Variants in RBFOX1 observed in about 807,000 individuals in gnomAD.
The protein encoded by RBFOX1 is RNA binding fox-1 homolog 1.
A neutral mutation model predicts 57.7 loss-of-function variants in RBFOX1; 8 were observed. The ratio of observed to expected loss-of-function variants is 0.14; its 90% CI spans 0.08 to 0.25. The LOEUF is 0.25. Ranked by LOEUF, RBFOX1 falls within the 10% of genes least tolerant of loss-of-function variation. The pLI is 1.00. For missense variants in RBFOX1, 611 were observed against 548.5 expected, an observed-to-expected ratio of 1.11 and a Z score of -1.14; for synonymous variants, 326 against 222.4, an observed-to-expected ratio of 1.47 and a Z score of -4.15.
intron 1 of RBFOX1, among the ~76,000 whole-genome samples, chr16:5,345,748 G>T (rs2065125829): frequency 6.6e-6 from 1 of 152,044 alleles, no homozygotes; most frequent in Admixed American, 6.5e-5. Flanking sequence ...GCACCTGATG[G>T]GTTAAGGCAC....
Position 7,029,105 on chromosome 16 carries a change from C to CACAT in RBFOX1, c.-15-22949_-15-22948insTACA, listed in dbSNP as rs1555788314. The stretch of plus-strand genomic sequence containing the variant: ...ATACACACACACACACACACACACA[C>CACAT]ACACACACACACACACATATACGTA... On this transcript the variant is annotated intron_variant, in intron 3 of 15. Transcript: ENST00000550418. Among the ~76,000 whole-genome samples, 11 of 92,556 alleles carry CACAT rather than the reference C, an allele frequency of 1.2e-4. 1 individual carries two copies. The highest frequency in any genetic ancestry group is 2.1e-4 in the Admixed American group (2 of 9,352). The allele number at this position is 92,556 out of a possible 152,430, so 60.7% of individuals were successfully genotyped here.
intron 2 of RBFOX1, among the ~76,000 whole-genome samples, chr16:6,474,969 A>AT (rs1171260069): frequency 1.3e-5 from 2 of 152,206 alleles, no homozygotes; most frequent in African/African-American, 2.4e-5. Flanking sequence ...GACCTTGTAC[A>AT]TTTTTTGTCC....
chr16:5,601,868 T>A (rs544485458), downstream of RBFOX1, among the ~76,000 whole-genome samples: 15 of 152,346 alleles, frequency 9.8e-5, no homozygotes, highest in African/African-American at 3.1e-4. Flanking sequence ...ATAGTGCCTA[T>A]GCCTGCTAGA....
intron 1 of RBFOX1, among the ~76,000 whole-genome samples, chr16:6,117,941 A>T (rs945090940): frequency 6.6e-6 from 1 of 152,198 alleles, no homozygotes; most frequent in African/African-American, 2.4e-5. Flanking sequence ...GTTGGTGATA[A>T]AGCGAAATAT....
chr16:6,302,210 A>G (rs899673696), intron 1 of RBFOX1, among the ~76,000 whole-genome samples: 1 of 152,002 alleles, frequency 6.6e-6, no homozygotes, highest in Non-Finnish European at 1.5e-5. Flanking sequence ...TTTGATGGTT[A>G]CCTGAGGTGG....
chr16:6,895,434 G>GTATATATA (rs1351412911), intron 3 of RBFOX1, among the ~76,000 whole-genome samples: 10 of 91,666 alleles, frequency 1.1e-4, no homozygotes, highest in South Asian at 4.2e-4. Flanking sequence ...GTGTGTGTGT[G>GTATATATA]TGTGTGTGTG....
chr16:5,397,753 A>G (rs1200510168), intron 1 of RBFOX1, among the ~76,000 whole-genome samples: 1 of 152,202 alleles, frequency 6.6e-6, no homozygotes, highest in African/African-American at 2.4e-5. Flanking sequence ...GATATTCTGG[A>G]GACCTGAAGT....
At position 7,103,871 on chromosome 16, in the gene RBFOX1, T is replaced by A. The variant is rs1225813307; in HGVS notation, c.27+51773T>A. ...AGTACTATTACCTAGTGATACCATT[T>A]GCAAAAGAACACACAAACAGATGTT... is the stretch of plus-strand genomic sequence containing the variant. On this transcript the variant is annotated intron_variant, in intron 4 of 15. Coordinates refer to ENST00000550418, the MANE Select transcript of RBFOX1 (RefSeq NM_018723.4). Among the ~76,000 whole-genome samples the A allele has an allele frequency of 1.3e-5, 2 of 152,188 alleles. 1 individual carries two copies. Among genetic ancestry groups the A allele is most frequent in the Admixed American group, 1.3e-4 (2 of 15,270 alleles).
At chr16:7,297,105 G>C (rs903564589) in intron 4 of RBFOX1, among the ~76,000 whole-genome samples, 1 of 152,176 alleles carries the variant, frequency 6.6e-6, no homozygotes, top group African/African-American at 2.4e-5. Flanking sequence ...CAAGGGTCAA[G>C]GGAGAAGACA....
intron 1 of RBFOX1, among the ~76,000 whole-genome samples, chr16:5,301,021 C>G (rs914577319): frequency 6.6e-6 from 1 of 152,150 alleles, no homozygotes; most frequent in African/African-American, 2.4e-5. Context: ...GCCTCTGCCT[C>G]TTGATATCCA....
chr16:6,439,963 G>C (rs1463418704), intron 2 of RBFOX1, among the ~76,000 whole-genome samples: 1 of 83,858 alleles, frequency 1.2e-5, no homozygotes, highest in Non-Finnish European at 2.4e-5. Context: ...TTGGGACTTA[G>C]GTGGCCATTA....
intron 1 of RBFOX1, among the ~76,000 whole-genome samples, chr16:5,314,447 C>G (rs867484617): frequency 6.6e-6 from 1 of 152,252 alleles, no homozygotes. Flanking sequence ...CTGACCGCTT[C>G]ACTAGGTGCA....
intron 2 of RBFOX1, among the ~76,000 whole-genome samples, chr16:6,503,138 A>C (rs573689275): frequency 1.3e-5 from 2 of 152,326 alleles, no homozygotes; most frequent in Middle Eastern, 3.4e-3. Context: ...AAGGATGCTG[A>C]GACTTCATGG....
intron 2 of RBFOX1, among the ~76,000 whole-genome samples, chr16:6,585,353 A>T (rs2097593613): frequency 6.6e-6 from 1 of 152,208 alleles, no homozygotes; most frequent in Non-Finnish European, 1.5e-5. Context: ...AAGTGCTGTT[A>T]TAGTCTCCAA....
intron 4 of RBFOX1, among the ~76,000 whole-genome samples, chr16:5,949,547 AAAAG>A: frequency 8.4e-5 from 3 of 35,602 alleles, no homozygotes; most frequent in African/African-American, 6.2e-4. Flanking sequence ...AAAAAAAAAG[AAAAG>A]AATACAGGAT....
intron 3 of RBFOX1, among the ~76,000 whole-genome samples, chr16:6,844,115 C>T (rs760026781): frequency 1.1e-4 from 13 of 118,074 alleles, no homozygotes; most frequent in Admixed American, 1.8e-4. Context: ...ATCACATCTT[C>T]CCTGCATGGC....
chr16:6,601,990 A>G (rs1431785008), intron 2 of RBFOX1, among the ~76,000 whole-genome samples: 2 of 152,154 alleles, frequency 1.3e-5, no homozygotes, highest in African/African-American at 4.8e-5. Context: ...CTTGTCAGGT[A>G]GGACAGGGGA....
intron 4 of RBFOX1, among the ~76,000 whole-genome samples, chr16:7,142,912 A>T (rs375546220): frequency 6.8e-6 from 1 of 147,314 alleles, no homozygotes; most frequent in African/African-American, 2.5e-5. Context: ...TCTGCAGAGT[A>T]TTTTTTTTTT....
chr16:5,802,597 G>A (rs1156399349), intron 3 of RBFOX1, among the ~76,000 whole-genome samples: 1 of 152,146 alleles, frequency 6.6e-6, no homozygotes, highest in African/African-American at 2.4e-5. Flanking sequence ...CTCTTGAAGA[G>A]GAGCATGTCT....
Sources: allele counts gnomAD v4.1 joint callset (sites outside exome capture counted in the v4.1 genomes callset), GRCh38; gene constraint gnomAD v4.1.1; transcripts MANE v1.5; gene names NCBI Gene and HGNC (gene_info 2026-07-23, HGNC 2026-07-21).